The following SLC26A8 variants were observed in gnomAD, a reference collection of about 807,000 sequenced individuals.
SLC26A8 encodes solute carrier family 26 member 8.
In SLC26A8, 70 loss-of-function variants were observed where a neutral mutation model predicts 105.0. That is an observed-to-expected ratio of 0.67 (90% CI 0.55 to 0.81). The LOEUF (loss-of-function observed/expected upper bound fraction) is 0.81, where lower values mean the gene tolerates loss of function less well. SLC26A8 is among the 40% of genes least tolerant of loss of function. The probability of loss-of-function intolerance (pLI) is 0.00; values close to 1 mark genes in which losing one functional copy is unlikely to be tolerated. For synonymous variants in SLC26A8, 415 were observed against 438.3 expected, an observed-to-expected ratio of 0.95 and a Z score of 0.66; for missense variants, 998 against 1,181.8, an observed-to-expected ratio of 0.84 and a Z score of 2.28.
At chr6:36,008,718 C>T (rs769157448) in intron 3 of SLC26A8, among the ~76,000 whole-genome samples, 2 of 151,944 alleles carry the variant, frequency 1.3e-5, no homozygotes, top group South Asian at 2.1e-4. Context: ...GGGCAAAAGA[C>T]GAGAAGAGCC....
intron 7 of SLC26A8, among the ~76,000 whole-genome samples, chr6:35,988,200 C>T (rs185277335): frequency 1.3e-5 from 2 of 152,118 alleles, no homozygotes; most frequent in African/African-American, 2.4e-5. Flanking sequence ...CGTGAGCCAC[C>T]GTGCCCGGCC....
At chr6:35,966,820 C>G (rs79144331) in intron 11 of SLC26A8, among the ~76,000 whole-genome samples, 1 of 152,084 alleles carries the variant, frequency 6.6e-6, no homozygotes, top group South Asian at 2.1e-4. Context: ...TAACTAGATG[C>G]TATAAAATTA....
intron 7 of SLC26A8, among the ~76,000 whole-genome samples, chr6:35,983,148 A>C (rs1773346825): frequency 6.6e-6 from 1 of 152,194 alleles, no homozygotes; most frequent in Non-Finnish European, 1.5e-5. Flanking sequence ...CAGTTGACTA[A>C]CCTGTGATAC....
chr6:35,957,989 T>C (rs947966912), intron 16 of SLC26A8, among the ~76,000 whole-genome samples: 2 of 152,148 alleles, frequency 1.3e-5, no homozygotes, highest in Admixed American at 1.3e-4. Context: ...CTGCCTGACC[T>C]TACTTCCCAG....
chr6:35,965,409 T>C (rs1337582595), intron 11 of SLC26A8, among the ~76,000 whole-genome samples: 4 of 152,270 alleles, frequency 2.6e-5, no homozygotes, highest in African/African-American at 4.8e-5. Flanking sequence ...CTGGGCGTGG[T>C]GGCTCACACC....
intron 3 of SLC26A8, among the ~76,000 whole-genome samples, chr6:36,003,816 C>A (rs1334964725): frequency 1.3e-5 from 2 of 151,962 alleles, no homozygotes; most frequent in East Asian, 3.9e-4. Flanking sequence ...TGCCTGCCAC[C>A]ACGCCCAGCT....
At chr6:36,006,253 G>A (rs1761681117) in intron 3 of SLC26A8, among the ~76,000 whole-genome samples, 1 of 152,094 alleles carries the variant, frequency 6.6e-6, no homozygotes, top group African/African-American at 2.4e-5. Context: ...CCGAGTAGCT[G>A]GGATTACAGG....
intron 16 of SLC26A8, among the ~76,000 whole-genome samples, chr6:35,957,951 T>A (rs920764613): frequency 6.6e-6 from 1 of 152,092 alleles, no homozygotes; most frequent in African/African-American, 2.4e-5. Context: ...TACGTTCTTA[T>A]CTTTCTTACA....
At chr6:35,949,563 A>G (rs1218553943) in intron 19 of SLC26A8, among the ~76,000 whole-genome samples, 1 of 152,126 alleles carries the variant, frequency 6.6e-6, no homozygotes, top group East Asian at 1.9e-4. Context: ...ACCTTCTAAG[A>G]GGGAATGACT....
chr6:36,012,308 T>C lies in SLC26A8; in HGVS notation c.253A>G (p.Met85Val), dbSNP rs1237974753. 2 of 1,610,958 alleles carry C rather than the reference T, an allele frequency of 1.2e-6. No homozygotes were observed. Among genetic ancestry groups the C allele is most frequent in the East Asian group, 2.2e-5 (1 of 44,774 alleles). The change falls in exon 3 of 20, where the codon ATG (methionine) becomes GTG (valine). Residue 85 changes from methionine to valine, a missense_variant. Physicochemically the swap from Met to Val is conservative, Grantham distance 21 (BLOSUM62 1). Transcript: ENST00000490799. The part of the protein sequence containing the change: ...TIFPFLEWMC[M>V]YRLKDWLLGD... ...AGAAGCCAATCCTTTAATCGATACA[T>C]ACACATCCATTCTAGGAAGGGAAAG...
chr6:36,015,455 A>C (rs1761970338), intron 2 of SLC26A8, among the ~76,000 whole-genome samples: 1 of 152,160 alleles, frequency 6.6e-6, no homozygotes, highest in African/African-American at 2.4e-5. Flanking sequence ...TTTCTGGTTA[A>C]AATTTAGAAG....
intron 9 of SLC26A8, among the ~76,000 whole-genome samples, chr6:35,976,528 T>C (rs1425659385): frequency 6.6e-6 from 1 of 150,914 alleles, no homozygotes; most frequent in South Asian, 2.1e-4. Context: ...GGAGGCCAAC[T>C]GTATGGTATT....
At chr6:35,956,711 G>T (rs1039410844) in intron 16 of SLC26A8, among the ~76,000 whole-genome samples, 1 of 152,156 alleles carries the variant, frequency 6.6e-6, no homozygotes, top group African/African-American at 2.4e-5. Flanking sequence ...TCTGAGGTCA[G>T]GAGTTCGAGA....
chr6:35,995,892 T>C (rs1761338263), intron 5 of SLC26A8, among the ~76,000 whole-genome samples: 1 of 152,180 alleles, frequency 6.6e-6, no homozygotes, highest in African/African-American at 2.4e-5. Flanking sequence ...ATTAAAAGGT[T>C]GCTTGTGTAT....
At chr6:35,957,599 G>C (rs1312973642) in intron 16 of SLC26A8, among the ~76,000 whole-genome samples, 2 of 142,228 alleles carry the variant, frequency 1.4e-5, no homozygotes, top group African/African-American at 5.5e-5. Flanking sequence ...AATTCTCTGA[G>C]AGCCACCTTT....
At chr6:35,984,566 C>T (rs1179529317) in intron 7 of SLC26A8, among the ~76,000 whole-genome samples, 1 of 151,978 alleles carries the variant, frequency 6.6e-6, no homozygotes, top group Non-Finnish European at 1.5e-5. Context: ...TCGAGCAATC[C>T]ACCTGCCTCT....
intron 5 of SLC26A8, among the ~76,000 whole-genome samples, chr6:35,995,692 G>C (rs1357954429): frequency 6.6e-6 from 1 of 150,658 alleles, no homozygotes; most frequent in Non-Finnish European, 1.5e-5. Context: ...ATTTTGTTTT[G>C]TAGAGACAGA....
intron 7 of SLC26A8, among the ~76,000 whole-genome samples, chr6:35,988,138 T>C (rs1407023098): frequency 6.6e-6 from 1 of 151,886 alleles, no homozygotes; most frequent in Non-Finnish European, 1.5e-5. Context: ...CTTGAATTCC[T>C]GACCTCAGGT....
At chr6:36,004,731 C>T (rs1308981975) in intron 3 of SLC26A8, among the ~76,000 whole-genome samples, 2 of 151,770 alleles carry the variant, frequency 1.3e-5, no homozygotes, top group African/African-American at 4.8e-5. Flanking sequence ...CTCACTGCAG[C>T]CTCAACCTCC....
Sources: allele counts gnomAD v4.1 joint callset (sites outside exome capture counted in the v4.1 genomes callset), GRCh38; gene constraint gnomAD v4.1.1; transcripts MANE v1.5; gene names NCBI Gene and HGNC (gene_info 2026-07-23, HGNC 2026-07-21).